MYH3: variants seen among roughly 807,000 people sequenced by gnomAD.
MYH3 encodes myosin heavy chain 3.
A neutral mutation model predicts 238.0 loss-of-function variants in MYH3; 130 were observed. The ratio of observed to expected loss-of-function variants is 0.55; its 90% CI spans 0.47 to 0.63. The LOEUF is 0.63. Ranked by LOEUF, MYH3 falls within the 30% of genes least tolerant of loss-of-function variation. The pLI, the probability that MYH3 is intolerant of heterozygous loss-of-function variation, is 0.00. For synonymous variants in MYH3, 880 were observed against 924.1 expected (o/e 0.95, Z 0.86); for missense variants, 1,853 against 2,374.9 (o/e 0.78, Z 4.57).
In MYH3 at chr17:10,654,472, A is replaced by G. The variant is rs1597494769; in HGVS notation, c.204+389T>C. Among the ~76,000 whole-genome samples the G allele has an allele frequency of 6.6e-6, 1 of 152,182 alleles. No individual in the cohort carries two copies. The highest frequency in any genetic ancestry group is 6.5e-5 in the Admixed American group (1 of 15,274). ...ACATTTTCCTTACTTCCTTGGTTAG[A>G]TGGCCATTGATAGAATAATTTGGGA... On this transcript the variant is annotated intron_variant, in intron 3 of 40. Coordinates refer to ENST00000583535, the MANE Select transcript of MYH3 (RefSeq NM_002470.4). This position sits in a 1 kb window ranked among gnomAD's most constrained non-coding sequence, Gnocchi z 4.5.
rs143396252 is a variant in MYH3 at position 10,632,507 on chromosome 17, T to C, written c.4925A>G (p.Lys1642Arg). The change falls in exon 34 of 41, where the codon AAA becomes AGA. Residue 1642 changes from lysine (K) to arginine (R), a missense_variant. Physicochemically the swap from Lys to Arg is conservative, Grantham distance 26. Transcript: ENST00000583535. ...HANRQAAETL[K>R]HLRSVQGQLK... The stretch of plus-strand genomic sequence containing the variant: ...CTGTCCCTGGACACTCCTGAGGTGT[T>C]TGAGGGTCTCCGCCGCCTGGCGGTT... 125 of 1,614,098 alleles carry C rather than the reference T, an allele frequency of 7.7e-5. No homozygotes were observed. The highest frequency in any genetic ancestry group is 2.5e-4 in the African/African-American group (19 of 75,064).
the MYH3 span, among the ~76,000 whole-genome samples, chr17:10,669,728 A>G: frequency 7.2e-5 from 11 of 152,090 alleles, no homozygotes; most frequent in African/African-American, 2.4e-4. Flanking sequence ...ACATAGCCAG[A>G]CCCCATCTCT....
chr17:10,640,211 T>C lies in MYH3; in HGVS notation c.2467A>G (p.Met823Val). 4 of 1,614,226 alleles carry C rather than the reference T, an allele frequency of 2.5e-6. No individual in the cohort carries two copies. Among genetic ancestry groups the C allele is most frequent in the Non-Finnish European group, 3.4e-6 (4 of 1,180,046 alleles). The change falls in exon 22 of 41, where the codon ATG (methionine) becomes GTG (valine). Residue 823 changes from methionine (M) to valine (V), a missense_variant. Physicochemically the swap from Met to Val is conservative, Grantham distance 21. This residue lies in a region of MYH3 where 678 missense variants were observed against 1,058.9 expected (regional missense o/e 0.64). Transcript: ENST00000583535. The stretch of plus-strand genomic sequence containing the variant: ...ATCCAGGGCCAGTGCTTGACGTTCA[T>C]GAATGAGCGAATGTTGTACTGGATG... ...FCIQYNIRSF[M>V]NVKHWPWMKL...
At chr17:10,641,231 A>T (rs908489803) in intron 18 of MYH3, 29 bp from the exon 19 acceptor site, 2 of 1,611,314 alleles carry the variant, frequency 1.2e-6, no homozygotes, top group African/African-American at 2.7e-5. Context: ...TATCAGCCTT[A>T]CACAGAATTT....
In MYH3 at chr17:10,628,557, T is replaced by C; in HGVS notation, c.*96A>G. On this transcript the variant is annotated 3_prime_UTR_variant, in exon 41 of 41. Coordinates refer to ENST00000583535, the MANE Select transcript of MYH3 (RefSeq NM_002470.4). ...TTGAAACAAAGCAAAGTTTATTGCA[T>C]GTGAAAAAGAGTCACATGGACATTA... The C allele has an allele frequency of 7.2e-7, 1 of 1,383,504 alleles. No individual in the cohort carries two copies. The highest frequency in any genetic ancestry group is 1.0e-6 in the Non-Finnish European group (1 of 970,234). 85.7% of individuals were successfully genotyped at this position (1,383,504 alleles called of 1,614,324 possible). A position where few individuals can be genotyped will look rare whatever the true frequency, so the allele number is the denominator to read the frequency against.
chr17:10,633,653 T>C lies in MYH3; in HGVS notation c.4585A>G (p.Lys1529Glu). The C allele has an allele frequency of 1.2e-6, 2 of 1,614,054 alleles. No individual in the cohort carries two copies. The highest frequency in any genetic ancestry group is 2.7e-5 in the African/African-American group (2 of 75,064). The change falls in exon 33 of 41, where the codon AAA becomes GAA. Residue 1529 changes from lysine to glutamate, a missense_variant. This residue lies in a region of MYH3 where 1,044 missense variants were observed against 1,192.6 expected (regional missense o/e 0.88). Transcript: ENST00000583535. ...TCCAGCTCAATCTGCTTTCTTGATTTCTCCAGTTCATGGATGGTTTTGCCA... is the reference window on the plus strand; with the variant it reads ...TCCAGCTCAATCTGCTTTCTTGATTCCTCCAGTTCATGGATGGTTTTGCCA... The part of the protein sequence containing the change: ...ENGKTIHELE[K>E]SRKQIELEKA...
intron 1 of MYH3, among the ~76,000 whole-genome samples, chr17:10,656,726 C>G (rs1346567408): frequency 6.6e-6 from 1 of 152,162 alleles, no homozygotes; most frequent in Non-Finnish European, 1.5e-5. Context: ...TAGAATCGGA[C>G]AGCAGGGACC....
In MYH3 at chr17:10,634,140, C is replaced by G; in HGVS notation, c.4399G>C (p.Glu1467Gln). 6.2e-7 allele frequency: 1 copy of G among 1,614,268 alleles called. No individual in the cohort carries two copies. Among genetic ancestry groups the G allele is most frequent in the Non-Finnish European group, 8.5e-7 (1 of 1,180,054 alleles). The change falls in exon 32 of 41, where the codon GAG becomes CAG. Residue 1467 changes from glutamate to glutamine, a missense_variant. Coordinates refer to ENST00000583535, the MANE Select transcript of MYH3 (RefSeq NM_002470.4). ...GACTCCTTCAGGGATGCCTCCAGCT[C>G]TGCTTGGCTCTCCTCACACTTTGTC... The part of the protein sequence containing the change: ...WKTKCEESQA[E>Q]LEASLKESRS...
chr17:10,628,726 C>T (rs757205199), intron 40 of MYH3, 47 bp from the exon 41 acceptor site: 19 of 1,603,568 alleles, frequency 1.2e-5, no homozygotes, highest in Middle Eastern at 1.7e-4. Context: ...GGCAGAGACA[C>T]ATTCCCACCC....
chr17:10,640,813 G>A, intron 19 of MYH3, 127 bp from the exon 20 acceptor site: 5 of 1,178,264 alleles, frequency 4.2e-6, no homozygotes, highest in South Asian at 2.6e-5. Context: ...GAACTAGCTC[G>A]GAGTCACATT....
the MYH3 span, among the ~76,000 whole-genome samples, chr17:10,670,465 T>G: frequency 6.6e-6 from 1 of 152,208 alleles, no homozygotes; most frequent in African/African-American, 2.4e-5. This position sits in a 1 kb window ranked among gnomAD's most constrained non-coding sequence, Gnocchi z 7.0. Context: ...AAGTGAAATT[T>G]ACAGTGTTTT....
At chr17:10,656,340 A>C (rs747551981) in intron 1 of MYH3, among the ~76,000 whole-genome samples, 192 bp from the exon 2 acceptor site, 1 of 152,194 alleles carries the variant, frequency 6.6e-6, no homozygotes, top group Non-Finnish European at 1.5e-5. Flanking sequence ...AGTCTGGCCA[A>C]CATAGTGAAA....
intron 8 of MYH3, among the ~76,000 whole-genome samples, chr17:10,647,677 T>C (rs2074335912): frequency 6.6e-6 from 1 of 152,220 alleles, no homozygotes; most frequent in Non-Finnish European, 1.5e-5. Context: ...CCTGAGTAGC[T>C]GGGACTACAA....
chr17:10,643,935 G>A (rs550815294), intron 14 of MYH3, among the ~76,000 whole-genome samples: 2 of 152,174 alleles, frequency 1.3e-5, no homozygotes, highest in Admixed American at 1.3e-4. Context: ...CGAGGCGGAT[G>A]GATCACTTGA....
chr17:10,671,045 C>A, the MYH3 span, among the ~76,000 whole-genome samples: 1 of 152,114 alleles, frequency 6.6e-6, no homozygotes, highest in Non-Finnish European at 1.5e-5. Context: ...CACGCACCAC[C>A]ACGCCCAGCT....
At chr17:10,665,098 G>A in the MYH3 span, among the ~76,000 whole-genome samples, 1 of 152,056 alleles carries the variant, frequency 6.6e-6, no homozygotes, top group Admixed American at 6.6e-5. Context: ...GTAGGGGTTG[G>A]TTAAAATGTA....
upstream of MYH3, among the ~76,000 whole-genome samples, chr17:10,658,248 C>T (rs78868461): frequency 0.01 from 1,575 of 152,320 alleles, 28 homozygotes; most frequent in African/African-American, 0.036. Context: ...TGCCCATTCT[C>T]GTTCTACTTT....
chr17:10,668,781 A>T, the MYH3 span, among the ~76,000 whole-genome samples: 1 of 152,206 alleles, frequency 6.6e-6, no homozygotes, highest in African/African-American at 2.4e-5. Flanking sequence ...TAGTTTTCTG[A>T]TGCTTTAGTT....
rs1271499670 is a variant in MYH3, at chr17:10,642,652, G to A, written c.1653C>T (p.Asn551=). The change falls in exon 16 of 41, where the codon AAC becomes AAT. Residue 551 remains asparagine, a synonymous_variant. Coordinates refer to ENST00000583535, the MANE Select transcript of MYH3 (RefSeq NM_002470.4). This position sits in a 1 kb window ranked among gnomAD's most constrained non-coding sequence, Gnocchi z 5.4. ...FPKATDTSFK[N]KLYDQHLGKS... ...TTCCAAGATGCTGGTCATACAGCTT[G>A]TTCTTGAAGGAGGTGTCTGTTGCCT... The A allele has an allele frequency of 6.2e-7, 1 of 1,614,230 alleles. No individual in the cohort carries two copies. Among genetic ancestry groups the A allele is most frequent in the Non-Finnish European group, 8.5e-7 (1 of 1,180,044 alleles).
Sources: gnomAD v4.1 joint callset for allele counts (sites outside exome capture counted in the v4.1 genomes callset) on GRCh38, gnomAD v4.1.1 for gene constraint, gnomAD v4.1.1 regional missense constraint, Gnocchi (gnomAD v3.1) non-coding constraint, MANE v1.5 for transcripts, NCBI Gene and HGNC (gene_info 2026-07-23, HGNC 2026-07-21) for gene names.